Variants in AKAP9 observed in about 807,000 individuals in gnomAD.
The protein encoded by AKAP9 is A-kinase anchoring protein 9, also known as A-kinase anchor protein 9.
Under a neutral mutation model 488.5 loss-of-function variants are expected in AKAP9, and 311 were observed. The observed-to-expected ratio is 0.64, with a 90% CI of 0.58 to 0.70. AKAP9 has a LOEUF of 0.70. Among genes scored for constraint, AKAP9 ranks in the 30% least tolerant of loss-of-function variants. The pLI is 0.00. For synonymous variants in AKAP9, 1,462 were observed against 1,483.5 expected (o/e 0.99, Z 0.33); for missense variants, 4,215 against 4,374.5 (o/e 0.96, Z 1.03).
In AKAP9 at chr7:91,991,511, G is replaced by T. The variant is rs145343651; in HGVS notation, c.352-647G>T. On this transcript the variant is annotated intron_variant, in intron 3 of 49. Transcript: ENST00000356239. ...TTTTGAGACAGAGTCTTGCTCTGTCGCCCAGGCTGTAGTGCAGTGGCTCGA... is the reference window on the plus strand; with the variant it reads ...TTTTGAGACAGAGTCTTGCTCTGTCTCCCAGGCTGTAGTGCAGTGGCTCGA... 9.5e-3 allele frequency among the ~76,000 whole-genome samples: 1,373 copies of T among 144,916 alleles called. 56 individuals carry two copies. The highest frequency in any genetic ancestry group is 0.085 in the East Asian group (417 of 4,934).
chr7:92,098,626 C>G lies in AKAP9; in HGVS notation c.10713+412C>G, dbSNP rs1018668470. Among the ~76,000 whole-genome samples the G allele has an allele frequency of 4.6e-5, 7 of 152,054 alleles. No individual in the cohort carries two copies. The South Asian group carries it at 6.2e-4, about 14-fold the overall frequency. On this transcript the variant is annotated intron_variant, in intron 43 of 49. Transcript: ENST00000356239. ...TGACCTGTTTTATTTTCTTAAAACC[C>G]TCTCTTTCCTTGCCTGTCATGTCAG...
intron 1 of AKAP9, among the ~76,000 whole-genome samples, chr7:91,965,404 A>C (rs918907222): frequency 6.6e-6 from 1 of 152,206 alleles, no homozygotes; most frequent in Non-Finnish European, 1.5e-5. Flanking sequence ...CATTGTGTAC[A>C]TACCACATTT....
chr7:92,032,248 C>T (rs1224942916), intron 16 of AKAP9, among the ~76,000 whole-genome samples: 1 of 152,118 alleles, frequency 6.6e-6, no homozygotes, highest in African/African-American at 2.4e-5. Context: ...TGTAATCCCA[C>T]CGCTTTGGGA....
chr7:92,010,658 CTTATT>C (rs1263357191), intron 8 of AKAP9, among the ~76,000 whole-genome samples: 1 of 152,026 alleles, frequency 6.6e-6, no homozygotes, highest in Non-Finnish European at 1.5e-5. Context: ...CATGCCTGGC[CTTATT>C]TTATTTTTTT....
At chr7:91,970,534 T>C in intron 1 of AKAP9, 1 of 454,944 alleles carries the variant, frequency 2.2e-6, no homozygotes, top group Non-Finnish European at 4.4e-6. Flanking sequence ...TTCTCTCAGC[T>C]TTTGTTTGTC....
chr7:92,087,572 T>C (rs1814783316), intron 37 of AKAP9, among the ~76,000 whole-genome samples: 1 of 152,030 alleles, frequency 6.6e-6, no homozygotes, highest in African/African-American at 2.4e-5. Flanking sequence ...AATCTACTCA[T>C]AATACTTAAC....
At chr7:91,985,710 T>C (rs1796986225) in intron 3 of AKAP9, among the ~76,000 whole-genome samples, 1 of 152,186 alleles carries the variant, frequency 6.6e-6, no homozygotes, top group African/African-American at 2.4e-5. Flanking sequence ...TGCAGTGGCA[T>C]GATCTCAGCT....
In AKAP9 at chr7:92,006,029, A is replaced by G. The variant is rs138957823; in HGVS notation, c.3318+2794A>G. 2.4e-4 allele frequency among the ~76,000 whole-genome samples: 36 copies of G among 152,276 alleles called. 1 individual carries two copies. Among genetic ancestry groups the G allele is most frequent in the African/African-American group, 8.2e-4 (34 of 41,570 alleles). On this transcript the variant is annotated intron_variant, in intron 8 of 49. Coordinates refer to ENST00000356239, the MANE Select transcript of AKAP9 (RefSeq NM_005751.5). ...GGAATTGTTTTCAAAACCAAAATGT[A>G]TGGCAGTTACTTGTGAAAATGTCAC...
At chr7:92,057,080 G>C (rs571576201) in intron 22 of AKAP9, among the ~76,000 whole-genome samples, 3 of 151,952 alleles carry the variant, frequency 2.0e-5, no homozygotes, top group Non-Finnish European at 4.4e-5. Flanking sequence ...GGGTTCATAA[G>C]ATACCTTAAG....
At chr7:91,994,551 T>C in intron 5 of AKAP9, 70 bp from the exon 6 acceptor site, 2 of 1,315,518 alleles carry the variant, frequency 1.5e-6, no homozygotes, top group Non-Finnish European at 2.1e-6. Context: ...TGAATTCTTA[T>C]TTTGAAAAAG....
chr7:92,098,312 T>C (rs1358446469), intron 43 of AKAP9, 98 bp downstream of exon 43: 41 of 685,886 alleles, frequency 6.0e-5, no homozygotes, highest in Non-Finnish European at 2.5e-6. Flanking sequence ...ATACTCTTTA[T>C]AGAGTTTTAT....
At chr7:92,031,121 C>T (rs1214039408) in intron 15 of AKAP9, among the ~76,000 whole-genome samples, 1 of 151,976 alleles carries the variant, frequency 6.6e-6, no homozygotes. Context: ...TTAATAAATA[C>T]CAAGAAGAAA....
chr7:92,024,138 G>C (rs1418693284), intron 14 of AKAP9, among the ~76,000 whole-genome samples: 1 of 151,292 alleles, frequency 6.6e-6, no homozygotes. Flanking sequence ...TAGGCTGGTC[G>C]TGGTGGCTCA....
At chr7:92,039,503 A>C (rs1805713012) in intron 17 of AKAP9, among the ~76,000 whole-genome samples, 1 of 152,212 alleles carries the variant, frequency 6.6e-6, no homozygotes, top group African/African-American at 2.4e-5. Flanking sequence ...CTATATCCTA[A>C]TTCTTGATTT....
chr7:92,062,650 G>A (rs1199114647), intron 24 of AKAP9, among the ~76,000 whole-genome samples, 164 bp downstream of exon 24: 1 of 151,932 alleles, frequency 6.6e-6, no homozygotes, highest in African/African-American at 2.4e-5. Context: ...TGTCTTATTA[G>A]CCAATCATGT....
chr7:92,052,393 ATG>A (rs1808134830), intron 21 of AKAP9, among the ~76,000 whole-genome samples: 2 of 152,146 alleles, frequency 1.3e-5, no homozygotes, highest in African/African-American at 4.8e-5. Context: ...TGTCACCTAT[ATG>A]TCCCTATTAC....
chr7:92,029,833 T>C (rs1803926034), intron 14 of AKAP9, 62 bp from the exon 15 acceptor site: 1 of 1,352,856 alleles, frequency 7.4e-7, no homozygotes, highest in Admixed American at 1.7e-5. Flanking sequence ...GGTGTAGATT[T>C]TGCATGAACA....
At position 92,086,391 on chromosome 7, in the gene AKAP9, G is replaced by T. The variant is rs990416348; in HGVS notation, c.9188G>T (p.Cys3063Phe). 2.0e-5 allele frequency: 33 copies of T among 1,613,758 alleles called. No individual in the cohort carries two copies. The highest frequency in any genetic ancestry group is 2.7e-5 in the Non-Finnish European group (32 of 1,179,820). Residue 3063 changes from cysteine to phenylalanine, a missense_variant, in exon 37 of 50, where the codon TGT (cysteine) becomes TTT (phenylalanine). By Grantham distance (205) the Cys-to-Phe change is radical. Coordinates refer to ENST00000356239, the MANE Select transcript of AKAP9 (RefSeq NM_005751.5). Reference sequence around the variant, plus strand: ...ACAGATGCAGTTGGTTTACTAAACTGTTTGGAACAGAGAATACAAGAACAG... The same window carrying T: ...ACAGATGCAGTTGGTTTACTAAACTTTTTGGAACAGAGAATACAAGAACAG... Reference protein sequence around the residue: ...GTTDAVGLLNCLEQRIQEQGV... With the variant: ...GTTDAVGLLNFLEQRIQEQGV...
At chr7:92,037,754 G>A (rs542068739) in intron 16 of AKAP9, among the ~76,000 whole-genome samples, 1 of 152,218 alleles carries the variant, frequency 6.6e-6, no homozygotes, top group Admixed American at 6.5e-5. Context: ...AATTTGTTTT[G>A]AGGAAATAAG....
Sources: gnomAD v4.1 joint callset for allele counts (sites outside exome capture counted in the v4.1 genomes callset) on GRCh38, gnomAD v4.1.1 for gene constraint, MANE v1.5 for transcripts, NCBI Gene and HGNC (gene_info 2026-07-23, HGNC 2026-07-21) for gene names.